The following COL23A1 variants were observed in gnomAD, a reference collection of about 807,000 sequenced individuals.
COL23A1 encodes the protein collagen type XXIII alpha 1 chain, also known as collagen alpha-1(XXIII) chain.
A neutral mutation model predicts 99.3 loss-of-function variants in COL23A1; 97 were observed. That is an observed-to-expected ratio of 0.98 (90% CI 0.83 to 1.16). COL23A1 has a LOEUF of 1.16. COL23A1 is among the 50% of genes most tolerant of loss of function. The probability of loss-of-function intolerance (pLI) is 0.00; values close to 1 mark genes in which losing one functional copy is unlikely to be tolerated. For synonymous variants in COL23A1, 320 were observed against 308.2 expected (o/e 1.04, Z -0.40); for missense variants, 762 against 757.4 (o/e 1.01, Z -0.07).
intron 2 of COL23A1, among the ~76,000 whole-genome samples, chr5:178,362,395 G>A (rs1257451569): frequency 5.3e-5 from 8 of 152,222 alleles, no homozygotes; most frequent in Non-Finnish European, 8.8e-5. Context: ...CAGCCTCTGG[G>A]CTGATACCGA....
At position 178,387,896 on chromosome 5, in the gene COL23A1, C is replaced by T. The variant is rs1018618153; in HGVS notation, c.362-80977G>A. On this transcript the variant is annotated intron_variant, in intron 2 of 28. Coordinates refer to ENST00000390654, the MANE Select transcript of COL23A1 (RefSeq NM_173465.4). The surrounding 1 kb of genome is among the most constrained non-coding windows in gnomAD (Gnocchi z 4.7). ...AAGCAACCTGCCTGCAAGGCCTCCT[C>T]CCAAGATGTGGCAGCTGTGGTGGCA... Among the ~76,000 whole-genome samples, 1 of 152,138 alleles carries T rather than the reference C, an allele frequency of 6.6e-6. No individual in the cohort carries two copies. The highest frequency in any genetic ancestry group is 1.5e-5 in the Non-Finnish European group (1 of 68,034).
At chr5:178,326,791 C>T (rs1759692863) in intron 2 of COL23A1, among the ~76,000 whole-genome samples, 3 of 152,254 alleles carry the variant, frequency 2.0e-5, no homozygotes, top group Non-Finnish European at 2.9e-5. Flanking sequence ...GCGATTTCGG[C>T]TCACTGCAAC....
At chr5:178,580,196 C>T (rs564414682) in intron 1 of COL23A1, among the ~76,000 whole-genome samples, 100 of 152,222 alleles carry the variant, frequency 6.6e-4, no homozygotes, top group Middle Eastern at 6.8e-3. Flanking sequence ...GGTGTGATGG[C>T]GCATGCCTGT....
chr5:178,527,196 G>C (rs501577), intron 2 of COL23A1, among the ~76,000 whole-genome samples: 91,896 of 152,040 alleles, frequency 0.6, 28,196 homozygotes, highest in East Asian at 0.93. Context: ...GGTGAGGAGA[G>C]TGGGGGACAG....
chr5:178,474,200 C>T (rs1034928616), intron 2 of COL23A1, among the ~76,000 whole-genome samples: 21 of 152,224 alleles, frequency 1.4e-4, no homozygotes, highest in Non-Finnish European at 4.4e-5. Flanking sequence ...TGGCTTTCAT[C>T]AGACTCTCAA....
chr5:178,421,652 G>A (rs767936452), intron 2 of COL23A1, among the ~76,000 whole-genome samples: 2 of 152,018 alleles, frequency 1.3e-5, no homozygotes, highest in African/African-American at 2.4e-5. Flanking sequence ...GCAGATCACC[G>A]GAGGTCAGAA....
Position 178,521,501 on chromosome 5 carries a change from C to T in COL23A1, c.361+39181G>A, listed in dbSNP as rs658207. Among the ~76,000 whole-genome samples, 991 of 149,404 alleles carry T rather than the reference C, an allele frequency of 6.6e-3. 15 individuals carry two copies. The highest frequency in any genetic ancestry group is 0.023 in the African/African-American group (926 of 40,298). Reference sequence around the variant, plus strand: ...CCAGCAGGCGGAGCTTGCAGTGAGCCGAGATGGCGCCATTGCACTCCAGCC... The same window carrying T: ...CCAGCAGGCGGAGCTTGCAGTGAGCTGAGATGGCGCCATTGCACTCCAGCC... On this transcript the variant is annotated intron_variant, in intron 2 of 28. Coordinates refer to ENST00000390654, the MANE Select transcript of COL23A1 (RefSeq NM_173465.4).
chr5:178,518,919 GGCGGTCGGGCGGCGGCGGCT>G (rs1759777497), intron 2 of COL23A1, among the ~76,000 whole-genome samples: 1 of 133,598 alleles, frequency 7.5e-6, no homozygotes, highest in Non-Finnish European at 1.6e-5. Context: ...CCATCCTCCC[GGCGGTCGGGCGGCGGCGGCT>G]GCGGTCGGTC....
At chr5:178,424,973 C>T (rs542070584) in intron 2 of COL23A1, among the ~76,000 whole-genome samples, 26 of 152,342 alleles carry the variant, frequency 1.7e-4, no homozygotes, top group Admixed American at 9.1e-4. Context: ...GGGAAGCGAG[C>T]GCCCAGGCTG....
chr5:178,488,064 G>A (rs925991077), intron 2 of COL23A1, among the ~76,000 whole-genome samples: 4 of 152,200 alleles, frequency 2.6e-5, no homozygotes, highest in Admixed American at 1.3e-4. Context: ...AGAATGATGA[G>A]AATAATGCAT....
At chr5:178,287,270 T>G (rs1282365960) in intron 5 of COL23A1, among the ~76,000 whole-genome samples, 2 of 152,204 alleles carry the variant, frequency 1.3e-5, no homozygotes, top group Non-Finnish European at 2.9e-5. Context: ...GGCTGCTCAT[T>G]GCTGGGGGAG....
chr5:178,581,509 T>C (rs1763656366), intron 1 of COL23A1, among the ~76,000 whole-genome samples: 1 of 149,416 alleles, frequency 6.7e-6, no homozygotes, highest in Non-Finnish European at 1.5e-5. Context: ...GAGGTTGCAG[T>C]GAGCCAAGAT....
chr5:178,354,357 T>A (rs1261888395), intron 2 of COL23A1, among the ~76,000 whole-genome samples: 1 of 152,122 alleles, frequency 6.6e-6, no homozygotes, highest in East Asian at 1.9e-4. Flanking sequence ...TACAGGCACA[T>A]GCCACCATGC....
At chr5:178,563,427 G>C (rs1762699412) in intron 1 of COL23A1, among the ~76,000 whole-genome samples, 1 of 152,120 alleles carries the variant, frequency 6.6e-6, no homozygotes, top group Non-Finnish European at 1.5e-5. Context: ...ATGAGGGGCT[G>C]AGGCTTCTGC....
chr5:178,450,496 G>A (rs981817321), intron 2 of COL23A1, among the ~76,000 whole-genome samples: 1 of 152,144 alleles, frequency 6.6e-6, no homozygotes, highest in African/African-American at 2.4e-5. Context: ...CGCTGAGAAC[G>A]AGGGAGCTAC....
chr5:178,421,244 T>C (rs1030227858), intron 2 of COL23A1, among the ~76,000 whole-genome samples: 3 of 151,994 alleles, frequency 2.0e-5, no homozygotes, highest in Non-Finnish European at 4.4e-5. Context: ...ATAAGAAAAA[T>C]ATTTCTCTAT....
chr5:178,279,545 G>A (rs941306187), intron 5 of COL23A1, among the ~76,000 whole-genome samples: 3 of 147,766 alleles, frequency 2.0e-5, no homozygotes, highest in African/African-American at 8.0e-5. Flanking sequence ...CCTCCACGTG[G>A]CTGGGAAGAC....
chr5:178,322,471 C>T (rs1463033953), intron 2 of COL23A1, among the ~76,000 whole-genome samples: 4 of 152,152 alleles, frequency 2.6e-5, no homozygotes, highest in Non-Finnish European at 4.4e-5. Flanking sequence ...ACAGGAGAGG[C>T]AGAATCCCTA....
chr5:178,397,295 C>A (rs1764201742), intron 2 of COL23A1, among the ~76,000 whole-genome samples: 1 of 152,220 alleles, frequency 6.6e-6, no homozygotes, highest in Non-Finnish European at 1.5e-5. Flanking sequence ...GGCAGGGATG[C>A]TGCGTTAGCA....
Sources: allele counts gnomAD v4.1 joint callset (sites outside exome capture counted in the v4.1 genomes callset), GRCh38; gene constraint gnomAD v4.1.1; non-coding constraint Gnocchi (gnomAD v3.1); transcripts MANE v1.5; gene names NCBI Gene and HGNC (gene_info 2026-07-23, HGNC 2026-07-21).